Variants in TMEM117 observed in about 807,000 individuals in gnomAD.
TMEM117 encodes transmembrane protein 117.
TMEM117 carries 27 observed loss-of-function variants against 52.4 expected under a neutral mutation model. The ratio of observed to expected loss-of-function variants is 0.51; its 90% CI spans 0.38 to 0.71. The LOEUF is 0.71. Among genes scored for constraint, TMEM117 ranks in the 30% least tolerant of loss-of-function variants. The probability of loss-of-function intolerance (pLI) is 0.00; values close to 1 mark genes in which losing one functional copy is unlikely to be tolerated. For synonymous variants in TMEM117, 215 were observed against 206.3 expected (o/e 1.04, Z -0.36); for missense variants, 556 against 630.5 (o/e 0.88, Z 1.26).
In TMEM117 at chr12:43,881,777, G is replaced by T. The variant is rs1365609335; in HGVS notation, c.277+36849G>T. ...GCACTCCAGTCTGGGCAACAAGAGT[G>T]AAACTCTTGTCTCAAAAAAAAAAAA... is the stretch of plus-strand genomic sequence containing the variant. On this transcript the variant is annotated intron_variant, in intron 2 of 7. Coordinates refer to ENST00000266534, the MANE Select transcript of TMEM117 (RefSeq NM_032256.3). 5.3e-5 allele frequency among the ~76,000 whole-genome samples: 4 copies of T among 75,170 alleles called. 1 individual carries two copies. Among genetic ancestry groups the T allele is most frequent in the Non-Finnish European group, 9.6e-5 (4 of 41,504 alleles). 49.3% of individuals were successfully genotyped at this position (75,170 alleles called of 152,430 possible).
At chr12:43,829,916 C>T in the TMEM117 span, among the ~76,000 whole-genome samples, 496 of 151,806 alleles carry the variant, frequency 3.3e-3, 4 homozygotes, top group African/African-American at 0.011. Context: ...GGTGAAACCC[C>T]GTCTCTACCA....
intron 6 of TMEM117, among the ~76,000 whole-genome samples, chr12:44,360,506 G>T (rs563375255): frequency 3.3e-5 from 5 of 151,578 alleles, no homozygotes; most frequent in African/African-American, 9.7e-5. Context: ...GGTGAAGGTT[G>T]CAGTGAGTCG....
At chr12:44,162,314 C>G (rs1822333858) in intron 4 of TMEM117, among the ~76,000 whole-genome samples, 1 of 152,114 alleles carries the variant, frequency 6.6e-6, no homozygotes. Context: ...CACTTCTTGG[C>G]CCCACTGTCT....
intron 3 of TMEM117, among the ~76,000 whole-genome samples, chr12:44,014,454 A>G (rs1457614373): frequency 6.6e-6 from 1 of 152,152 alleles, no homozygotes; most frequent in Non-Finnish European, 1.5e-5. Context: ...CCGAGGTAGA[A>G]ATAGCTGGGG....
chr12:44,115,605 T>C (rs1027049924), intron 3 of TMEM117, among the ~76,000 whole-genome samples: 7 of 152,256 alleles, frequency 4.6e-5, no homozygotes, highest in African/African-American at 7.2e-5. Flanking sequence ...AAAAGCCAGA[T>C]GTGCATGTTC....
At chr12:44,203,671 A>T (rs1949527315) in intron 4 of TMEM117, among the ~76,000 whole-genome samples, 1 of 152,160 alleles carries the variant, frequency 6.6e-6, no homozygotes, top group Non-Finnish European at 1.5e-5. Flanking sequence ...TTTGTTTCAT[A>T]GAACTTTTTA....
intron 3 of TMEM117, among the ~76,000 whole-genome samples, chr12:44,012,917 G>A (rs76867687): frequency 0.043 from 6,554 of 152,142 alleles, 194 homozygotes; most frequent in South Asian, 0.084. Flanking sequence ...AGAAAGAAGT[G>A]CACTAAATAG....
the TMEM117 span, among the ~76,000 whole-genome samples, chr12:43,800,002 T>G: frequency 6.6e-6 from 1 of 152,084 alleles, no homozygotes; most frequent in Non-Finnish European, 1.5e-5. Context: ...AGACTGAGAC[T>G]CATGAAATTA....
intron 5 of TMEM117, among the ~76,000 whole-genome samples, chr12:44,254,076 G>A (rs1244225003): frequency 6.8e-6 from 1 of 146,874 alleles, no homozygotes; most frequent in African/African-American, 2.5e-5. Flanking sequence ...CCACTGTGAA[G>A]CAAAAAATAA....
Position 44,135,087 on chromosome 12 carries a change from TA to T in TMEM117, c.411-8434del, listed in dbSNP as rs1229703080. Among the ~76,000 whole-genome samples, 4 of 152,312 alleles carry T rather than the reference TA, an allele frequency of 2.6e-5. No homozygotes were observed. In the East Asian group the frequency reaches 7.7e-4, roughly 29 times the overall value. On this transcript the variant is annotated intron_variant, in intron 3 of 7. Coordinates refer to ENST00000266534, the MANE Select transcript of TMEM117 (RefSeq NM_032256.3). ...TGCTTTGTCTGCAGATTACAGGGGA[TA>T]AAACTGTGGTCTCCAACAATCACTG...
At chr12:43,905,212 A>G (rs1288303450) in intron 2 of TMEM117, among the ~76,000 whole-genome samples, 1 of 152,198 alleles carries the variant, frequency 6.6e-6, no homozygotes, top group Non-Finnish European at 1.5e-5. Context: ...GAAGATTTCT[A>G]GTTCCCCTTA....
At chr12:44,242,804 G>A (rs1339157711) in intron 5 of TMEM117, among the ~76,000 whole-genome samples, 2 of 150,616 alleles carry the variant, frequency 1.3e-5, no homozygotes, top group Non-Finnish European at 3.0e-5. Context: ...GGGTCAAATG[G>A]TAGTTTCATT....
At chr12:43,962,696 G>A (rs577486307) in intron 3 of TMEM117, among the ~76,000 whole-genome samples, 5 of 152,226 alleles carry the variant, frequency 3.3e-5, no homozygotes, top group South Asian at 2.1e-4. Context: ...CGAGGTGGGC[G>A]GATCACGAGG....
intron 4 of TMEM117, among the ~76,000 whole-genome samples, chr12:44,180,489 C>G (rs1307963646): frequency 4.2e-5 from 6 of 142,072 alleles, no homozygotes; most frequent in Admixed American, 1.4e-4. Context: ...ATCTCCCAAT[C>G]CTATCCCTCC....
intron 5 of TMEM117, among the ~76,000 whole-genome samples, chr12:44,296,100 A>G (rs371749275): frequency 6.6e-6 from 1 of 152,164 alleles, no homozygotes; most frequent in Non-Finnish European, 1.5e-5. Context: ...CAGAGTGTAT[A>G]TGGATCCTGT....
At chr12:43,981,446 G>A (rs1945758865) in intron 3 of TMEM117, among the ~76,000 whole-genome samples, 1 of 152,178 alleles carries the variant, frequency 6.6e-6, no homozygotes, top group Non-Finnish European at 1.5e-5. Context: ...TTCAGTTGGG[G>A]CTTAATATAA....
At chr12:44,168,656 C>G (rs1451119300) in intron 4 of TMEM117, among the ~76,000 whole-genome samples, 1 of 151,964 alleles carries the variant, frequency 6.6e-6, no homozygotes, top group African/African-American at 2.4e-5. Context: ...GATAAAAGTT[C>G]CCAAAATTAG....
intron 3 of TMEM117, among the ~76,000 whole-genome samples, chr12:44,034,883 T>C (rs1029309969): frequency 1.4e-4 from 22 of 152,160 alleles, no homozygotes; most frequent in African/African-American, 5.1e-4. Context: ...GATTGCCCTC[T>C]CCAGTGTGAG....
intron 3 of TMEM117, among the ~76,000 whole-genome samples, chr12:44,138,358 G>A (rs1041905564): frequency 6.6e-6 from 1 of 152,088 alleles, no homozygotes; most frequent in African/African-American, 2.4e-5. Flanking sequence ...TAACATTAGT[G>A]ATTAATCACT....
Sources: allele counts gnomAD v4.1 joint callset (sites outside exome capture counted in the v4.1 genomes callset), GRCh38; gene constraint gnomAD v4.1.1; transcripts MANE v1.5; gene names NCBI Gene and HGNC (gene_info 2026-07-23, HGNC 2026-07-21).